The following BAP1 variants were observed in gnomAD, a reference collection of about 807,000 sequenced individuals.
The protein encoded by BAP1 is ubiquitin carboxyl-terminal hydrolase BAP1.
BAP1 carries 16 observed loss-of-function variants against 77.2 expected under a neutral mutation model. The observed-to-expected ratio is 0.21, with a 90% confidence interval of 0.14 to 0.31. BAP1 has a LOEUF of 0.31. Ranked by LOEUF, BAP1 falls within the 10% of genes least tolerant of loss-of-function variation. BAP1 has a pLI of 1.00. For missense variants in BAP1, 699 were observed against 967.3 expected (o/e 0.72, Z 3.68); for synonymous variants, 362 against 385.2 (o/e 0.94, Z 0.71).
chr3:52,406,711 T>C lies in BAP1; in HGVS notation c.659+118A>G. On this transcript the variant is annotated intron_variant, in intron 8 of 16. Coordinates refer to ENST00000460680, the MANE Select transcript of BAP1 (RefSeq NM_004656.4). This position sits in a 1 kb window ranked among gnomAD's most constrained non-coding sequence, Gnocchi z 4.6. ...AAGTTGAGAACCCATGATCTAAGCC[T>C]GATCTTGCCAGATTCACCATATGGC... 2 of 1,204,140 alleles carry C rather than the reference T, an allele frequency of 1.7e-6. 1 individual carries two copies. The highest frequency in any genetic ancestry group is 3.8e-4 in the Middle Eastern group (2 of 5,232). 74.6% of individuals were successfully genotyped at this position (1,204,140 alleles called of 1,614,324 possible). A position where few individuals can be genotyped will look rare whatever the true frequency, so the allele number is the denominator to read the frequency against.
At chr3:52,409,062 T>C (rs1705263876) in intron 3 of BAP1, among the ~76,000 whole-genome samples, 1 of 152,244 alleles carries the variant, frequency 6.6e-6, no homozygotes. Context: ...TAAAGTAGAC[T>C]TCTTGGTTCA....
chr3:52,404,673 T>C (rs891721929), intron 11 of BAP1, 87 bp from the exon 12 acceptor site: 1 of 1,541,320 alleles, frequency 6.5e-7, no homozygotes, highest in East Asian at 2.4e-5. Context: ...AAAGCCAACA[T>C]GGTTTTCCAG....
In BAP1 at chr3:52,402,998, C is replaced by G. The variant is rs1705016163; in HGVS notation, c.1891-127G>C. 6.3e-7 allele frequency: 1 copy of G among 1,597,168 alleles called. No individual in the cohort carries two copies. Among genetic ancestry groups the G allele is most frequent in the Non-Finnish European group, 8.5e-7 (1 of 1,176,692 alleles). ...TATCAAGGCCCCTGCCACCACCCAA[C>G]CCAGAAAGTCTTCTGGCACATGGCT... On this transcript the variant is annotated intron_variant, in intron 14 of 16. Transcript: ENST00000460680. This position sits in a 1 kb window ranked among gnomAD's most constrained non-coding sequence, Gnocchi z 5.3.
intron 11 of BAP1, 58 bp downstream of exon 11, chr3:52,405,052 T>TG: frequency 6.2e-7 from 1 of 1,606,184 alleles, no homozygotes. Flanking sequence ...GAAAATTGCC[T>TG]GTTGCAGCCT....
In BAP1 at chr3:52,402,354, C is replaced by T. The variant is rs1332999409; in HGVS notation, c.2124G>A (p.Arg708=). 6.3e-7 allele frequency: 1 copy of T among 1,582,936 alleles called. No homozygotes were observed. Among genetic ancestry groups the T allele is most frequent in the Non-Finnish European group, 8.6e-7 (1 of 1,165,930 alleles). Residue 708 remains arginine (R), a synonymous_variant, in exon 17 of 17, where the codon CGG becomes CGA. Transcript: ENST00000460680. This position sits in a 1 kb window ranked among gnomAD's most constrained non-coding sequence, Gnocchi z 5.3. ...GGTCAGGCTTCCGCTGCTTGTGGAGCCGGCCGATGCTGACCCCTTGGCGCC... is the reference window on the plus strand; with the variant it reads ...GGTCAGGCTTCCGCTGCTTGTGGAGTCGGCCGATGCTGACCCCTTGGCGCC... The part of the protein sequence containing the change: ...VRRRQGVSIG[R]LHKQRKPDRR...
chr3:52,405,195 T>C lies in BAP1; in HGVS notation c.1031A>G (p.Asn344Ser), dbSNP rs142887785. 25 of 1,613,982 alleles carry C rather than the reference T, an allele frequency of 1.5e-5. No homozygotes were observed. The highest frequency in any genetic ancestry group is 8.9e-5 in the East Asian group (4 of 44,888). The stretch of plus-strand genomic sequence containing the variant: ...GGGAGTGGGGTTGGGGTGAACCCCA[T>C]TGAGGCTGCTGCCTGGAGGCTTCAC... Reference protein sequence around the residue: ...LVVKPPGSSLNGVHPNPTPIV... With the variant: ...LVVKPPGSSLSGVHPNPTPIV... The change falls in exon 11 of 17, where the codon AAT becomes AGT. Residue 344 changes from asparagine (N) to serine (S), a missense_variant. Physicochemically the swap from Asn to Ser is conservative, Grantham distance 46 (BLOSUM62 1). Around this residue, in one of 3 missense-constraint regions of BAP1, gnomAD observed 475 missense variants for 532.4 expected, o/e 0.89. Coordinates refer to ENST00000460680, the MANE Select transcript of BAP1 (RefSeq NM_004656.4).
In BAP1 at chr3:52,406,604, C is replaced by T. The variant is rs1705167603; in HGVS notation, c.659+225G>A. 1 of 878,380 alleles carries T rather than the reference C, an allele frequency of 1.1e-6. No homozygotes were observed. Among genetic ancestry groups the T allele is most frequent in the Non-Finnish European group, 1.8e-6 (1 of 567,756 alleles). The allele number at this position is 878,380 out of a possible 1,614,324, so 54.4% of individuals were successfully genotyped here. On this transcript the variant is annotated intron_variant, in intron 8 of 16. Transcript: ENST00000460680. This position sits in a 1 kb window ranked among gnomAD's most constrained non-coding sequence, Gnocchi z 4.6. ...GAAGTGAACCAGCAGACCTGGGCTG[C>T]CTAAGGCTCCACTGAGGCCTGCCCC...
In BAP1 at chr3:52,406,714, T is replaced by C. The variant is rs1027949586; in HGVS notation, c.659+115A>G. 1.5e-5 allele frequency: 19 copies of C among 1,231,150 alleles called. No individual in the cohort carries two copies. The highest frequency in any genetic ancestry group is 2.1e-5 in the Non-Finnish European group (18 of 860,526). 76.3% of individuals were successfully genotyped at this position (1,231,150 alleles called of 1,614,324 possible). On this transcript the variant is annotated intron_variant, in intron 8 of 16. Transcript: ENST00000460680. This position sits in a 1 kb window ranked among gnomAD's most constrained non-coding sequence, Gnocchi z 4.6. Reference sequence around the variant, plus strand: ...TTGAGAACCCATGATCTAAGCCTGATCTTGCCAGATTCACCATATGGCCTT... The same window carrying C: ...TTGAGAACCCATGATCTAAGCCTGACCTTGCCAGATTCACCATATGGCCTT...
In BAP1 at chr3:52,405,100, C is replaced by G. The variant is rs2153226976; in HGVS notation, c.1116+10G>C. On this transcript the variant is annotated intron_variant, in intron 11 of 16. Coordinates refer to ENST00000460680, the MANE Select transcript of BAP1 (RefSeq NM_004656.4). ...AAGTAGAGAATCCTGCAAGGGTGCT[C>G]CCAGCTTACCTGCATGGGGGACTTG... is the stretch of plus-strand genomic sequence containing the variant. 1 of 1,614,054 alleles carries G rather than the reference C, an allele frequency of 6.2e-7. No homozygotes were observed. Among genetic ancestry groups the G allele is most frequent in the Non-Finnish European group, 8.5e-7 (1 of 1,179,996 alleles).
At position 52,404,344 on chromosome 3, in the gene BAP1, G is replaced by C. The variant is rs550176361; in HGVS notation, c.1250+109C>G. On this transcript the variant is annotated intron_variant, in intron 12 of 16. Coordinates refer to ENST00000460680, the MANE Select transcript of BAP1 (RefSeq NM_004656.4). ...AGCCTCCCCCAGGGCCCCAAACTCC[G>C]CAGGTGCTCAACATTATCTGCTGCA... 3.7e-5 allele frequency: 58 copies of C among 1,583,804 alleles called. 3 individuals are homozygous for C. The South Asian group carries it at 6.3e-4, about 17-fold the overall frequency.
rs1347059067 is a variant in BAP1 at position 52,406,050 on chromosome 3, C to T, written c.784-138G>A. The T allele has an allele frequency of 6.7e-7, 1 of 1,500,934 alleles. No individual in the cohort carries two copies. The highest frequency in any genetic ancestry group is 1.4e-5 in the African/African-American group (1 of 72,594). 93.0% of individuals were successfully genotyped at this position (1,500,934 alleles called of 1,614,324 possible). A position where few individuals can be genotyped will look rare whatever the true frequency, so the allele number is the denominator to read the frequency against. ...CACAGGGAAATAAAACACCCAAACC[C>T]AAACTTCCTTTTAGAAGCTATTCTC... On this transcript the variant is annotated intron_variant, in intron 9 of 16. Coordinates refer to ENST00000460680, the MANE Select transcript of BAP1 (RefSeq NM_004656.4). This position sits in a 1 kb window ranked among gnomAD's most constrained non-coding sequence, Gnocchi z 4.6.
intron 10 of BAP1, 22 bp from the exon 11 acceptor site, chr3:52,405,316 G>A (rs1705115915): frequency 6.2e-7 from 1 of 1,612,802 alleles, no homozygotes; most frequent in Non-Finnish European, 8.5e-7. Context: ...CAAGAACACA[G>A]GCAGGACCTC....
At chr3:52,405,521 A>AAAAAAAC in intron 10 of BAP1, 4 of 481,108 alleles carry the variant, frequency 8.3e-6, no homozygotes, top group African/African-American at 2.3e-5. Flanking sequence ...AAAAAAAAAA[A>AAAAAAAC]CCGCCTCTAG....
rs1559587902 is a variant in BAP1, at chr3:52,404,564, C to G, written c.1139G>C (p.Gly380Ala). The G allele has an allele frequency of 6.2e-7, 1 of 1,613,730 alleles. No individual in the cohort carries two copies. The highest frequency in any genetic ancestry group is 8.5e-7 in the Non-Finnish European group (1 of 1,179,924). The part of the protein sequence containing the change: ...PMQEEEDLAA[G>A]VGRSRVPVRP... Reference sequence around the variant, plus strand: ...GACTGGAACTCGGCTGCGGCCCACACCTGCCGCCAGGTCTTCTTCCTCCTG... The same window carrying G: ...GACTGGAACTCGGCTGCGGCCCACAGCTGCCGCCAGGTCTTCTTCCTCCTG... Residue 380 changes from glycine to alanine, a missense_variant, in exon 12 of 17, where the codon GGT becomes GCT. By Grantham distance (60) the Gly-to-Ala change is moderately conservative. Coordinates refer to ENST00000460680, the MANE Select transcript of BAP1 (RefSeq NM_004656.4).
rs766882421 is a variant in BAP1 at position 52,407,506 on chromosome 3, G to A, written c.376-46C>T. 1.2e-6 allele frequency: 2 copies of A among 1,612,362 alleles called. No homozygotes were observed. Among genetic ancestry groups the A allele is most frequent in the South Asian group, 1.1e-5 (1 of 91,014 alleles). ...CCGTATCAGAATAATTTCTCCTCAG[G>A]TAGGACTATGGGTGGAAGGCAAAGC... On this transcript the variant is annotated intron_variant, in intron 5 of 16. Coordinates refer to ENST00000460680, the MANE Select transcript of BAP1 (RefSeq NM_004656.4).
intron 10 of BAP1, chr3:52,405,519 A>AAC: frequency 1.6e-6 from 1 of 621,008 alleles, no homozygotes; most frequent in Non-Finnish European, 2.6e-6. Context: ...AAAAAAAAAA[A>AAC]AACCGCCTCT....
At position 52,405,789 on chromosome 3, in the gene BAP1, C is replaced by A. The variant is rs754740693; in HGVS notation, c.907G>T (p.Ala303Ser). 6.2e-7 allele frequency: 1 copy of A among 1,613,456 alleles called. No homozygotes were observed. Among genetic ancestry groups the A allele is most frequent in the Non-Finnish European group, 8.5e-7 (1 of 1,180,032 alleles). ...CCTGTGTGGTTGCCCTCAGAGGCTG[C>A]AGGGGCCCTGTTTGCTTCCAGCACC... is the stretch of plus-strand genomic sequence containing the variant. The part of the protein sequence containing the change: ...PLVLEANRAP[A>S]ASEGNHTDGA... The change falls in exon 10 of 17, where the codon GCA becomes TCA. Residue 303 changes from alanine (A) to serine (S), a missense_variant. Around this residue, in one of 3 missense-constraint regions of BAP1, gnomAD observed 475 missense variants for 532.4 expected, o/e 0.89. Transcript: ENST00000460680.
intron 7 of BAP1, 85 bp downstream of exon 7, chr3:52,407,089 G>A (rs1245136181): frequency 6.2e-7 from 1 of 1,602,844 alleles, no homozygotes. Context: ...CTGCCACTGG[G>A]TACCACATAC....
Position 52,404,549 on chromosome 3 carries a change from C to T in BAP1, c.1154G>A (p.Arg385Gln), listed in dbSNP as rs765258055. 5 of 1,613,702 alleles carry T rather than the reference C, an allele frequency of 3.1e-6. No homozygotes were observed. The highest frequency in any genetic ancestry group is 2.2e-5 in the East Asian group (1 of 44,892). ...CTGCTGGGGTGGGCGGACTGGAACT[C>T]GGCTGCGGCCCACACCTGCCGCCAG... ...EDLAAGVGRS[R>Q]VPVRPPQQYS... The change falls in exon 12 of 17, where the codon CGA becomes CAA. Residue 385 changes from arginine (R) to glutamine (Q), a missense_variant. Arg to Gln is a conservative substitution (Grantham distance 43). This residue lies in a region of BAP1 where 475 missense variants were observed against 532.4 expected (regional missense o/e 0.89). Transcript: ENST00000460680.
Sources: allele counts gnomAD v4.1 joint callset (sites outside exome capture counted in the v4.1 genomes callset), GRCh38; gene constraint gnomAD v4.1.1; regional missense constraint gnomAD v4.1.1; non-coding constraint Gnocchi (gnomAD v3.1); transcripts MANE v1.5; gene names NCBI Gene and HGNC (gene_info 2026-07-23, HGNC 2026-07-21).